The following GABRA1 variants were observed in gnomAD, a reference collection of about 807,000 sequenced individuals.
The protein encoded by GABRA1 is gamma-aminobutyric acid type A receptor subunit alpha1, also known as gamma-aminobutyric acid receptor subunit alpha-1.
Under a neutral mutation model 48.9 loss-of-function variants are expected in GABRA1, and 9 were observed. That is an observed-to-expected ratio of 0.18 (90% CI 0.11 to 0.32). The LOEUF is 0.32. Ranked by LOEUF, GABRA1 falls within the 10% of genes least tolerant of loss-of-function variation. The pLI is 1.00. For missense variants in GABRA1, 285 were observed against 553.8 expected (o/e 0.51, Z 4.87); for synonymous variants, 210 against 198.7 (o/e 1.06, Z -0.48).
In GABRA1 at chr5:161,874,883, A is replaced by C. The variant is rs544604803; in HGVS notation, c.477-677A>C. 2.0e-5 allele frequency among the ~76,000 whole-genome samples: 3 copies of C among 150,302 alleles called. 1 individual carries two copies. The East Asian group carries it at 5.8e-4, about 29-fold the overall frequency. On this transcript the variant is annotated intron_variant, in intron 5 of 9. Transcript: ENST00000393943. ...CAGTGAACTTCTTTCTTAGCAATCCAAAAAAAAACAAAACAAAACAAGAAT... is the reference window on the plus strand; with the variant it reads ...CAGTGAACTTCTTTCTTAGCAATCCCAAAAAAAACAAAACAAAACAAGAAT...
At chr5:161,874,949 G>T (rs1754281710) in intron 5 of GABRA1, among the ~76,000 whole-genome samples, 1 of 152,040 alleles carries the variant, frequency 6.6e-6, no homozygotes, top group Admixed American at 6.6e-5. Flanking sequence ...CTAGAGAGAA[G>T]CACAGCAGAG....
Position 161,897,308 on chromosome 5 carries a change from T to G in GABRA1, c.1257T>G (p.Ile419Met). ...PKKTFNSVSKIDRLSRIAFPL... is the reference protein window; with the variant it reads ...PKKTFNSVSKMDRLSRIAFPL... Reference sequence around the variant, plus strand: ...AAACCTTTAACAGTGTCAGCAAAATTGACCGACTGTCAAGAATAGCCTTCC... The same window carrying G: ...AAACCTTTAACAGTGTCAGCAAAATGGACCGACTGTCAAGAATAGCCTTCC... The change falls in exon 10 of 10, where the codon ATT becomes ATG. Residue 419 changes from isoleucine (I) to methionine (M), a missense_variant. By Grantham distance (10) the Ile-to-Met change is conservative. This residue lies in a region of GABRA1 where 99 missense variants were observed against 94.2 expected (regional missense o/e 1.05). Coordinates refer to ENST00000393943, the MANE Select transcript of GABRA1 (RefSeq NM_001127644.2). The G allele has an allele frequency of 6.2e-7, 1 of 1,614,136 alleles. No individual in the cohort carries two copies. The highest frequency in any genetic ancestry group is 8.5e-7 in the Non-Finnish European group (1 of 1,179,998).
At chr5:161,853,254 T>G (rs1435735435) in intron 2 of GABRA1, among the ~76,000 whole-genome samples, 3 of 151,760 alleles carry the variant, frequency 2.0e-5, no homozygotes, top group Non-Finnish European at 2.9e-5. Context: ...CTGAGGTCAC[T>G]ATGTGGTCGA....
chr5:161,862,402 T>A (rs1349939212), intron 3 of GABRA1, among the ~76,000 whole-genome samples: 4 of 152,076 alleles, frequency 2.6e-5, no homozygotes, highest in South Asian at 2.1e-4. Flanking sequence ...TTCTTTTTTT[T>A]AATTTTTTTC....
chr5:161,864,198 A>AT (rs541561478), intron 3 of GABRA1, among the ~76,000 whole-genome samples: 20 of 151,420 alleles, frequency 1.3e-4, no homozygotes, highest in African/African-American at 4.1e-4. Flanking sequence ...AAGTAAATTA[A>AT]TTTTTTTTTC....
chr5:161,893,013 AATAATAAT>A (rs1561586217), intron 8 of GABRA1, among the ~76,000 whole-genome samples: 1,975 of 63,124 alleles, frequency 0.031, 73 homozygotes, highest in African/African-American at 0.13. Flanking sequence ...TCAAAAAAAT[AATAATAAT>A]AATAATAATA....
At chr5:161,849,159 A>C in intron 1 of GABRA1, 1 of 278,240 alleles carries the variant, frequency 3.6e-6, no homozygotes, top group Non-Finnish European at 7.2e-6. Flanking sequence ...TAACAACTGA[A>C]GTGCCATGAT....
At chr5:161,887,256 C>A (rs958190262) in intron 7 of GABRA1, among the ~76,000 whole-genome samples, 3 of 152,066 alleles carry the variant, frequency 2.0e-5, no homozygotes, top group Non-Finnish European at 4.4e-5. Flanking sequence ...GACACAGAGT[C>A]GTCTCTGCAT....
At chr5:161,884,664 T>A (rs1179655402) in intron 7 of GABRA1, among the ~76,000 whole-genome samples, 2 of 152,106 alleles carry the variant, frequency 1.3e-5, no homozygotes, top group African/African-American at 2.4e-5. Context: ...CACACATAAC[T>A]TTTCCTCAAG....
At chr5:161,872,914 A>AT (rs1754184638) in intron 4 of GABRA1, 101 of 562,534 alleles carry the variant, frequency 1.8e-4, no homozygotes, top group Non-Finnish European at 2.2e-4. Context: ...GGCATTTTAG[A>AT]TATTTTTTTT....
At chr5:161,859,550 G>T (rs1189634202) in intron 3 of GABRA1, among the ~76,000 whole-genome samples, 2 of 151,616 alleles carry the variant, frequency 1.3e-5, no homozygotes, top group Admixed American at 1.3e-4. Flanking sequence ...TAAAATTTAG[G>T]TGACTCGAGG....
chr5:161,877,935 C>T (rs565383549), intron 6 of GABRA1, among the ~76,000 whole-genome samples: 1 of 152,080 alleles, frequency 6.6e-6, no homozygotes, highest in Admixed American at 6.5e-5. Context: ...ATGACCTTAT[C>T]GAAATTTGCT....
In GABRA1 at chr5:161,853,573, A is replaced by G. The variant is rs887766567; in HGVS notation, c.75-585A>G. The G allele has an allele frequency of 2.1e-4, 32 of 151,928 alleles. 1 individual carries two copies. The highest frequency in any genetic ancestry group is 1.5e-5 in the Non-Finnish European group (1 of 67,842). The allele number at this position is 151,928 out of a possible 1,614,324, so 9.4% of individuals were successfully genotyped here. On this transcript the variant is annotated intron_variant, in intron 2 of 9. Transcript: ENST00000393943. The stretch of plus-strand genomic sequence containing the variant: ...ATGTTTGAGCAGACAAATTTTAATC[A>G]TTGGGTCATGAATCTTAAGAGGAAT...
Position 161,869,191 on chromosome 5 carries a change from G to C in GABRA1, c.255+3403G>C, listed in dbSNP as rs560881104. ...TTTTTCAAAATGGGAAAATTTTGTA[G>C]TTTTTAAAGTGAGAACTAATAAATT... On this transcript the variant is annotated intron_variant, in intron 4 of 9. Coordinates refer to ENST00000393943, the MANE Select transcript of GABRA1 (RefSeq NM_001127644.2). Among the ~76,000 whole-genome samples, 13 of 152,284 alleles carry C rather than the reference G, an allele frequency of 8.5e-5. No homozygotes were observed. The South Asian group carries it at 2.5e-3, about 29-fold the overall frequency.
In GABRA1 at chr5:161,895,519, C is replaced by T. The variant is rs1755321633; in HGVS notation, c.857-147C>T. On this transcript the variant is annotated intron_variant, in intron 8 of 9. Transcript: ENST00000393943. ...ACTACACTGGGGTTAAATTAAGACT[C>T]ATCAATTCTAAACCAAAATAAGATG... The T allele has an allele frequency of 4.1e-6, 3 of 728,016 alleles. No individual in the cohort carries two copies. In the South Asian group the frequency reaches 4.7e-5, roughly 11 times the overall value. The allele number at this position is 728,016 out of a possible 1,614,324, so 45.1% of individuals were successfully genotyped here. A position where few individuals can be genotyped will look rare whatever the true frequency, so the allele number is the denominator to read the frequency against.
At chr5:161,891,182 G>A in intron 8 of GABRA1, 132 bp downstream of exon 8, 1 of 860,888 alleles carries the variant, frequency 1.2e-6, no homozygotes, top group South Asian at 1.4e-5. Flanking sequence ...AAAGTTTCAA[G>A]GAATTGCCAC....
At chr5:161,862,437 T>C (rs1221240786) in intron 3 of GABRA1, among the ~76,000 whole-genome samples, 1 of 151,900 alleles carries the variant, frequency 6.6e-6, no homozygotes, top group Non-Finnish European at 1.5e-5. Flanking sequence ...TTTCCCTGGA[T>C]CTTACTAAAT....
intron 8 of GABRA1, among the ~76,000 whole-genome samples, chr5:161,893,614 T>C (rs1581218233): frequency 6.6e-6 from 1 of 152,186 alleles, no homozygotes; most frequent in South Asian, 2.1e-4. Flanking sequence ...TAGAAGACCA[T>C]ATTCTTGGTT....
intron 1 of GABRA1, chr5:161,850,334 T>C (rs1290740947): frequency 2.3e-5 from 7 of 308,028 alleles, no homozygotes; most frequent in Non-Finnish European, 4.1e-5. Context: ...CATCACAACA[T>C]GTTAACCTAT....
Sources: gnomAD v4.1 joint callset for allele counts (sites outside exome capture counted in the v4.1 genomes callset) on GRCh38, gnomAD v4.1.1 for gene constraint, gnomAD v4.1.1 regional missense constraint, MANE v1.5 for transcripts, NCBI Gene and HGNC (gene_info 2026-07-23, HGNC 2026-07-21) for gene names.